Variants in FAM180B observed in about 807,000 individuals in gnomAD.
FAM180B encodes the protein family with sequence similarity 180 member B, also known as protein FAM180B.
A neutral mutation model predicts 13.6 loss-of-function variants in FAM180B; 14 were observed. The observed-to-expected ratio is 1.03, with a 90% CI of 0.68 to 1.60. The LOEUF (loss-of-function observed/expected upper bound fraction) is 1.60. FAM180B is among the 40% of genes most tolerant of loss of function. The probability of loss-of-function intolerance (pLI) is 0.00; values close to 1 mark genes in which losing one functional copy is unlikely to be tolerated. For missense variants in FAM180B, 212 were observed against 230.4 expected (o/e 0.92, Z 0.52); for synonymous variants, 109 against 97.0 (o/e 1.12, Z -0.72).
In FAM180B at chr11:47,587,777, G is replaced by T; in HGVS notation, c.112G>T (p.Gly38Ter). Residue 38 changes from glycine (G) to a stop codon, truncating the protein, a stop_gained, in exon 2 of 3, where the codon GGA becomes TGA. Coordinates refer to ENST00000538490, the MANE Select transcript of FAM180B (RefSeq NM_001164379.3). LOFTEE classifies it high-confidence loss of function. ...AGQPMDSTSV[G>*]GGLQEPEAPE... The stretch of plus-strand genomic sequence containing the variant: ...GCAGCCCATGGACAGCACCAGCGTG[G>T]GAGGTGGCCTGCAGGAGCCAGAGGC... 6.5e-7 allele frequency: 1 copy of T among 1,534,704 alleles called. No homozygotes were observed. The highest frequency in any genetic ancestry group is 8.7e-7 in the Non-Finnish European group (1 of 1,145,458).
rs1313707580 is a variant in FAM180B, at chr11:47,588,096, G to A, written c.214G>A (p.Glu72Lys). Residue 72 changes from glutamate (E) to lysine (K), a missense_variant, in exon 3 of 3, where the codon GAA becomes AAA. Transcript: ENST00000538490. ...VMGQLHIQDEELASTHPGRRL... is the reference protein window; with the variant it reads ...VMGQLHIQDEKLASTHPGRRL... ...GGGGCAGCTGCACATCCAGGATGAG[G>A]AACTAGCGTCCACACACCCAGGCCG... The A allele has an allele frequency of 1.1e-5, 17 of 1,536,938 alleles. No individual in the cohort carries two copies. Among genetic ancestry groups the A allele is most frequent in the Non-Finnish European group, 1.4e-5 (16 of 1,146,870 alleles).
Position 47,588,299 on chromosome 11 carries a change from G to C in FAM180B, c.417G>C (p.Glu139Asp). The stretch of plus-strand genomic sequence containing the variant: ...GGCTCCACGCAGCTAGTGAGGCTGA[G>C]GAACGGGGCCGCTGGGCCCAGGTCT... ...VYRLHAASEA[E>D]ERGRWAQVFA... The change falls in exon 3 of 3, where the codon GAG (glutamate) becomes GAC (aspartate). Residue 139 changes from glutamate to aspartate, a missense_variant. Physicochemically the swap from Glu to Asp is conservative, Grantham distance 45 (BLOSUM62 2). Transcript: ENST00000538490. 1 of 1,537,158 alleles carries C rather than the reference G, an allele frequency of 6.5e-7. No homozygotes were observed. Among genetic ancestry groups the C allele is most frequent in the Non-Finnish European group, 8.7e-7 (1 of 1,146,870 alleles).
intron 1 of FAM180B, 77 bp from the exon 2 acceptor site, chr11:47,587,674 G>A: frequency 9.7e-7 from 1 of 1,026,922 alleles, no homozygotes; most frequent in Non-Finnish European, 1.4e-6. Context: ...CTACCAGGCA[G>A]CAGAGGGGCA....
At position 47,588,109 on chromosome 11, in the gene FAM180B, C is replaced by T; in HGVS notation, c.227C>T (p.Thr76Ile). 1 of 1,537,122 alleles carries T rather than the reference C, an allele frequency of 6.5e-7. No individual in the cohort carries two copies. Among genetic ancestry groups the T allele is most frequent in the Non-Finnish European group, 8.7e-7 (1 of 1,146,812 alleles). ...ATCCAGGATGAGGAACTAGCGTCCA[C>T]ACACCCAGGCCGCCGACTCAGACTC... is the stretch of plus-strand genomic sequence containing the variant. Reference protein sequence around the residue: ...LHIQDEELASTHPGRRLRLLL... With the variant: ...LHIQDEELASIHPGRRLRLLL... The change falls in exon 3 of 3, where the codon ACA becomes ATA. Residue 76 changes from threonine (T) to isoleucine (I), a missense_variant. Coordinates refer to ENST00000538490, the MANE Select transcript of FAM180B (RefSeq NM_001164379.3).
chr11:47,588,747 TGTGTGTGTGGA>T lies in FAM180B; in HGVS notation c.*315_*325del, dbSNP rs1177019102. The T allele has an allele frequency of 1.1e-5, 3 of 270,452 alleles. No homozygotes were observed. The Admixed American group carries it at 1.5e-4, about 14-fold the overall frequency. 16.8% of individuals were successfully genotyped at this position (270,452 alleles called of 1,614,324 possible). ...GTGTGTGTGTGTGTGTGTGTGTGTGTGTGTGTGTGGAGATCAGGGGTCAGGGTTGAGAAGTG... is the reference window on the plus strand; with the variant it reads ...GTGTGTGTGTGTGTGTGTGTGTGTGTGATCAGGGGTCAGGGTTGAGAAGTG... On this transcript the variant is annotated 3_prime_UTR_variant, in exon 3 of 3. Transcript: ENST00000538490.
rs2097272828 is a variant in FAM180B at position 47,588,273 on chromosome 11, C to T, written c.391C>T (p.Arg131Trp). ...LLLTGLSCVY[R>W]LHAASEAEER... Reference sequence around the variant, plus strand: ...CCTCACAGGCCTGTCCTGCGTCTACCGGCTCCACGCAGCTAGTGAGGCTGA... The same window carrying T: ...CCTCACAGGCCTGTCCTGCGTCTACTGGCTCCACGCAGCTAGTGAGGCTGA... Residue 131 changes from arginine (R) to tryptophan (W), a missense_variant, in exon 3 of 3, where the codon CGG (arginine) becomes TGG (tryptophan). Transcript: ENST00000538490. 3.9e-6 allele frequency: 6 copies of T among 1,537,156 alleles called. No individual in the cohort carries two copies. The highest frequency in any genetic ancestry group is 3.9e-5 in the Admixed American group (2 of 50,988).
chr11:47,587,355 G>A (rs1160362419), intron 1 of FAM180B, among the ~76,000 whole-genome samples: 1 of 152,178 alleles, frequency 6.6e-6, no homozygotes, highest in African/African-American at 2.4e-5. Context: ...CTTTGTCCTT[G>A]GGAGAGTCAC....
rs1323800315 is a variant in FAM180B at position 47,587,747 on chromosome 11, C to T, written c.86-4C>T. 2 of 1,519,326 alleles carry T rather than the reference C, an allele frequency of 1.3e-6. No individual in the cohort carries two copies. The highest frequency in any genetic ancestry group is 1.8e-6 in the Non-Finnish European group (2 of 1,138,838). 94.1% of individuals were successfully genotyped at this position (1,519,326 alleles called of 1,614,324 possible). A position where few individuals can be genotyped will look rare whatever the true frequency, so the allele number is the denominator to read the frequency against. ...AGGGGCCTGACTCCTCTCTGCTGCC[C>T]CAGGGCAGCCCATGGACAGCACCAG... is the stretch of plus-strand genomic sequence containing the variant. On this transcript the variant is annotated splice_region_variant and splice_polypyrimidine_tract_variant and intron_variant, in intron 1 of 2. Coordinates refer to ENST00000538490, the MANE Select transcript of FAM180B (RefSeq NM_001164379.3).
In FAM180B at chr11:47,587,785, C is replaced by T. The variant is rs573408568; in HGVS notation, c.120C>T (p.Gly40=). 241 of 1,535,026 alleles carry T rather than the reference C, an allele frequency of 1.6e-4. No homozygotes were observed. In the African/African-American group the frequency reaches 3.0e-3, roughly 19 times the overall value. ...TGGACAGCACCAGCGTGGGAGGTGGCCTGCAGGAGCCAGAGGCCCCGGAAG... is the reference window on the plus strand; with the variant it reads ...TGGACAGCACCAGCGTGGGAGGTGGTCTGCAGGAGCCAGAGGCCCCGGAAG... ...QPMDSTSVGG[G]LQEPEAPEVM... is the part of the protein sequence containing the mutation. Residue 40 remains glycine (G), a synonymous_variant, in exon 2 of 3, where the codon GGC becomes GGT. Coordinates refer to ENST00000538490, the MANE Select transcript of FAM180B (RefSeq NM_001164379.3).
chr11:47,587,638 G>A (rs959173600), intron 1 of FAM180B, 113 bp from the exon 2 acceptor site: 13 of 669,564 alleles, frequency 1.9e-5, no homozygotes, highest in African/African-American at 1.8e-4. Flanking sequence ...CTGCCCTTTT[G>A]TAGAATGATG....
rs2097273359 is a variant in FAM180B at position 47,588,741 on chromosome 11, TGTGTGTGTGTGTGTGG to T, written c.*308_*323del. 1 of 273,004 alleles carries T rather than the reference TGTGTGTGTGTGTGTGG, an allele frequency of 3.7e-6. No individual in the cohort carries two copies. Among genetic ancestry groups the T allele is most frequent in the Admixed American group, 5.0e-5 (1 of 19,948 alleles). The allele number at this position is 273,004 out of a possible 1,614,324, so 16.9% of individuals were successfully genotyped here. A position where few individuals can be genotyped will look rare whatever the true frequency, so the allele number is the denominator to read the frequency against. ...GTGAGTGTGTGTGTGTGTGTGTGTG[TGTGTGTGTGTGTGTGG>T]AGATCAGGGGTCAGGGTTGAGAAGT... is the stretch of plus-strand genomic sequence containing the variant. On this transcript the variant is annotated 3_prime_UTR_variant, in exon 3 of 3. Transcript: ENST00000538490.
chr11:47,587,835 G>C lies in FAM180B; in HGVS notation c.156+14G>C. 1 of 1,527,652 alleles carries C rather than the reference G, an allele frequency of 6.5e-7. No homozygotes were observed. Among genetic ancestry groups the C allele is most frequent in the Non-Finnish European group, 8.8e-7 (1 of 1,141,668 alleles). The allele number at this position is 1,527,652 out of a possible 1,614,324, so 94.6% of individuals were successfully genotyped here. A position where few individuals can be genotyped will look rare whatever the true frequency, so the allele number is the denominator to read the frequency against. On this transcript the variant is annotated intron_variant, in intron 2 of 2. Transcript: ENST00000538490. ...GTGATGTTTGAGGTCTTTCCTCCCA[G>C]CCTGGGACATGGGGGTGGGCACGTC...
Position 47,588,677 on chromosome 11 carries a change from G to A in FAM180B, c.*243G>A, listed in dbSNP as rs181919228. ...GGTCGCAAGGAGTGCGCAAGGAGTGGGCACAGAGCTAAGGGCACGACTTGC... is the reference window on the plus strand; with the variant it reads ...GGTCGCAAGGAGTGCGCAAGGAGTGAGCACAGAGCTAAGGGCACGACTTGC... On this transcript the variant is annotated 3_prime_UTR_variant, in exon 3 of 3. Transcript: ENST00000538490. The A allele has an allele frequency of 3.6e-3, 1,796 of 498,450 alleles. 17 individuals are homozygous for A. Among genetic ancestry groups the A allele is most frequent in the Non-Finnish European group, 4.5e-3 (1,259 of 279,422 alleles). 30.9% of individuals were successfully genotyped at this position (498,450 alleles called of 1,614,324 possible).
Position 47,588,408 on chromosome 11 carries a change from G to GGGCAGAAACCTTTGCA in FAM180B, c.526_527insGGCAGAAACCTTTGCA (p.Ala176GlyfsTer10). The stretch of plus-strand genomic sequence containing the variant: ...CCGGCCCCCTTCCCTGGGGTCCTGG[G>GGGCAGAAACCTTTGCA]CCTCCATCCTTGACCCCTTCCCCTG... On this transcript the variant is annotated frameshift_variant, in exon 3 of 3. Coordinates refer to ENST00000538490, the MANE Select transcript of FAM180B (RefSeq NM_001164379.3). LOFTEE classifies it high-confidence loss of function. 6.6e-7 allele frequency: 1 copy of GGGCAGAAACCTTTGCA among 1,512,504 alleles called. No individual in the cohort carries two copies. Among genetic ancestry groups the GGGCAGAAACCTTTGCA allele is most frequent in the Non-Finnish European group, 8.8e-7 (1 of 1,130,048 alleles). 93.7% of individuals were successfully genotyped at this position (1,512,504 alleles called of 1,614,324 possible).
In FAM180B at chr11:47,588,385, G is replaced by T. The variant is rs566568495; in HGVS notation, c.503G>T (p.Arg168Leu). Residue 168 changes from arginine to leucine, a missense_variant, in exon 3 of 3, where the codon CGG becomes CTG. Transcript: ENST00000538490. The stretch of plus-strand genomic sequence containing the variant: ...TGCAAAGGTTTCTGCCCCCAGGACC[G>T]GCCCCCTTCCCTGGGGTCCTGGGCC... ...DLCKGFCPQDRPPSLGSWASI... is the reference protein window; with the variant it reads ...DLCKGFCPQDLPPSLGSWASI... 2 of 1,522,248 alleles carry T rather than the reference G, an allele frequency of 1.3e-6. No homozygotes were observed. Among genetic ancestry groups the T allele is most frequent in the East Asian group, 2.5e-5 (1 of 40,504 alleles). 94.3% of individuals were successfully genotyped at this position (1,522,248 alleles called of 1,614,324 possible). A position where few individuals can be genotyped will look rare whatever the true frequency, so the allele number is the denominator to read the frequency against.
Position 47,588,114 on chromosome 11 carries a change from C to A in FAM180B, c.232C>A (p.Pro78Thr). 7.2e-6 allele frequency: 11 copies of A among 1,537,180 alleles called. No individual in the cohort carries two copies. The highest frequency in any genetic ancestry group is 9.6e-6 in the Non-Finnish European group (11 of 1,146,886). The part of the protein sequence containing the change: ...IQDEELASTH[P>T]GRRLRLLLQH... The stretch of plus-strand genomic sequence containing the variant: ...GGATGAGGAACTAGCGTCCACACAC[C>A]CAGGCCGCCGACTCAGACTCCTCCT... The change falls in exon 3 of 3, where the codon CCA becomes ACA. Residue 78 changes from proline (P) to threonine (T), a missense_variant. Physicochemically the swap from Pro to Thr is conservative, Grantham distance 38. Transcript: ENST00000538490.
rs1353580758 is a variant in FAM180B at position 47,587,783 on chromosome 11, G to A, written c.118G>A (p.Gly40Ser). 2 of 1,535,174 alleles carry A rather than the reference G, an allele frequency of 1.3e-6. No individual in the cohort carries two copies. The highest frequency in any genetic ancestry group is 2.0e-5 in the Admixed American group (1 of 50,718). Residue 40 changes from glycine (G) to serine (S), a missense_variant, in exon 2 of 3, where the codon GGC becomes AGC. Physicochemically the swap from Gly to Ser is moderately conservative, Grantham distance 56. Transcript: ENST00000538490. ...CATGGACAGCACCAGCGTGGGAGGTGGCCTGCAGGAGCCAGAGGCCCCGGA... is the reference window on the plus strand; with the variant it reads ...CATGGACAGCACCAGCGTGGGAGGTAGCCTGCAGGAGCCAGAGGCCCCGGA... ...QPMDSTSVGG[G>S]LQEPEAPEVM...
In FAM180B at chr11:47,588,716, G is replaced by T. The variant is rs1355904250; in HGVS notation, c.*282G>T. On this transcript the variant is annotated 3_prime_UTR_variant, in exon 3 of 3. Coordinates refer to ENST00000538490, the MANE Select transcript of FAM180B (RefSeq NM_001164379.3). ...GGCACGACTTGCAGGCAGTGTGTGT[G>T]TGAGTGTGTGTGTGTGTGTGTGTGT... 5 of 163,924 alleles carry T rather than the reference G, an allele frequency of 3.1e-5. No individual in the cohort carries two copies. The highest frequency in any genetic ancestry group is 5.0e-5 in the Non-Finnish European group (5 of 100,600). 10.2% of individuals were successfully genotyped at this position (163,924 alleles called of 1,614,324 possible).
rs1003669449 is a variant in FAM180B, at chr11:47,588,106, CCACA to C, written c.228_231del (p.His77GlnfsTer221). On this transcript the variant is annotated frameshift_variant, in exon 3 of 3. Coordinates refer to ENST00000538490, the MANE Select transcript of FAM180B (RefSeq NM_001164379.3). LOFTEE classifies it low-confidence loss of function (END_TRUNC). ...CACATCCAGGATGAGGAACTAGCGTCCACACACCCAGGCCGCCGACTCAGACTCC... is the reference window on the plus strand; with the variant it reads ...CACATCCAGGATGAGGAACTAGCGTCCACCCAGGCCGCCGACTCAGACTCC... 2.4e-5 allele frequency: 37 copies of C among 1,537,046 alleles called. No homozygotes were observed. The highest frequency in any genetic ancestry group is 3.1e-5 in the Non-Finnish European group (35 of 1,146,910).
Sources: allele counts gnomAD v4.1 joint callset (sites outside exome capture counted in the v4.1 genomes callset), GRCh38; gene constraint gnomAD v4.1.1; transcripts MANE v1.5; gene names NCBI Gene and HGNC (gene_info 2026-07-23, HGNC 2026-07-21).